Variants in RORA observed in about 807,000 individuals in gnomAD.
RORA encodes nuclear receptor ROR-alpha.
Under a neutral mutation model 69.5 loss-of-function variants are expected in RORA, and 7 were observed. The observed-to-expected ratio is 0.10, with a 90% CI of 0.06 to 0.19. The LOEUF is 0.19. RORA is among the 10% of genes least tolerant of loss of function. The probability of loss-of-function intolerance (pLI) is 1.00; values close to 1 mark genes in which losing one functional copy is unlikely to be tolerated. For synonymous variants in RORA, 261 were observed against 240.8 expected (o/e 1.08, Z -0.78); for missense variants, 457 against 663.0 (o/e 0.69, Z 3.41).
intron 1 of RORA, among the ~76,000 whole-genome samples, chr15:60,926,440 T>C (rs1324377867): frequency 6.6e-6 from 1 of 152,252 alleles, no homozygotes; most frequent in Non-Finnish European, 1.5e-5. Flanking sequence ...TATAGAGTTA[T>C]CCCAGCCCCC....
At chr15:61,049,657 CTTTT>C (rs974766907) in intron 1 of RORA, among the ~76,000 whole-genome samples, 14 of 151,988 alleles carry the variant, frequency 9.2e-5, no homozygotes, top group Non-Finnish European at 1.6e-4. Context: ...TTCTTTCTTT[CTTTT>C]TTCTTTTTTT....
intron 1 of RORA, among the ~76,000 whole-genome samples, chr15:60,858,082 G>A (rs992670758): frequency 2.2e-4 from 33 of 152,328 alleles, no homozygotes; most frequent in Admixed American, 1.8e-3. Flanking sequence ...GTGTTGCTAT[G>A]AGGATTAATT....
chr15:61,110,181 G>A (rs957310891), intron 1 of RORA, among the ~76,000 whole-genome samples: 2 of 152,062 alleles, frequency 1.3e-5, no homozygotes, highest in African/African-American at 2.4e-5. Context: ...GGCGGATCAC[G>A]AGGTCAAGAG....
intron 1 of RORA, among the ~76,000 whole-genome samples, chr15:60,822,271 A>G (rs2072903077): frequency 6.6e-6 from 1 of 152,182 alleles, no homozygotes; most frequent in Non-Finnish European, 1.5e-5. Context: ...GTTGTAGCCC[A>G]AGGAGTGCTA....
rs995288507 is a variant in RORA at position 60,587,607 on chromosome 15, T to A, written c.197-55756A>T. ...GGATTAAATGATGTAAGAGTGTTTG[T>A]AAACCATAAAGCACAAAATAAATAT... is the stretch of plus-strand genomic sequence containing the variant. On this transcript the variant is annotated intron_variant, in intron 2 of 10. Transcript: ENST00000335670. Among the ~76,000 whole-genome samples the A allele has an allele frequency of 2.0e-5, 3 of 152,170 alleles. 1 individual carries two copies. In the South Asian group the frequency reaches 6.2e-4, roughly 31 times the overall value.
At chr15:60,959,281 T>G (rs948341429) in intron 1 of RORA, among the ~76,000 whole-genome samples, 1 of 152,190 alleles carries the variant, frequency 6.6e-6, no homozygotes, top group African/African-American at 2.4e-5. Context: ...TCTAACAAAA[T>G]ATACATTAAA....
chr15:61,186,284 G>T (rs1024511700), intron 1 of RORA, among the ~76,000 whole-genome samples: 3 of 152,032 alleles, frequency 2.0e-5, no homozygotes, highest in Non-Finnish European at 4.4e-5. Flanking sequence ...TCAGCCCCAG[G>T]ATTATCCCTG....
At chr15:60,589,498 C>G (rs1187689996) in intron 2 of RORA, among the ~76,000 whole-genome samples, 1 of 152,252 alleles carries the variant, frequency 6.6e-6, no homozygotes, top group Non-Finnish European at 1.5e-5. Context: ...CGCGTGACAT[C>G]TGGCCAATGC....
intron 1 of RORA, among the ~76,000 whole-genome samples, chr15:60,828,268 CAGCCTGGCGCAGGCA>C (rs2072992794): frequency 6.6e-6 from 1 of 152,192 alleles, no homozygotes; most frequent in Admixed American, 6.5e-5. Context: ...CTCAGTGTCT[CAGCCTGGCGCAGGCA>C]AGTAAAGAGA....
chr15:60,911,170 G>C (rs1051875735), intron 1 of RORA, among the ~76,000 whole-genome samples: 5 of 143,086 alleles, frequency 3.5e-5, no homozygotes, highest in Non-Finnish European at 6.0e-5. Context: ...CCTGACCTCA[G>C]GTGATTCACC....
At chr15:60,880,864 T>G (rs1455614425) in intron 1 of RORA, among the ~76,000 whole-genome samples, 1 of 152,218 alleles carries the variant, frequency 6.6e-6, no homozygotes, top group Non-Finnish European at 1.5e-5. Flanking sequence ...AATCCGCCGA[T>G]GCATTTAACT....
intron 1 of RORA, among the ~76,000 whole-genome samples, chr15:60,713,553 G>A (rs763498450): frequency 1.4e-4 from 22 of 152,130 alleles, no homozygotes; most frequent in Admixed American, 2.6e-4. Context: ...ACACGCCCCC[G>A]TACATTCCAC....
intron 1 of RORA, among the ~76,000 whole-genome samples, chr15:60,690,701 G>T (rs1316643578): frequency 6.6e-6 from 1 of 152,142 alleles, no homozygotes; most frequent in Non-Finnish European, 1.5e-5. Context: ...CCTGAAAAAG[G>T]ACAGCAAACT....
At chr15:60,895,047 TC>T (rs1270700120) in intron 1 of RORA, among the ~76,000 whole-genome samples, 6 of 151,994 alleles carry the variant, frequency 3.9e-5, no homozygotes, top group African/African-American at 1.2e-4. Context: ...AAACCTGGGG[TC>T]CCCATGCTCA....
intron 1 of RORA, among the ~76,000 whole-genome samples, chr15:60,839,051 C>T (rs1353515814): frequency 1.3e-5 from 2 of 152,010 alleles, no homozygotes; most frequent in Non-Finnish European, 2.9e-5. Context: ...ACCACACCCA[C>T]CTGGCTAAAT....
intron 6 of RORA, 28 bp downstream of exon 6, chr15:60,505,480 C>T: frequency 6.2e-7 from 1 of 1,612,286 alleles, no homozygotes; most frequent in Non-Finnish European, 8.5e-7. Context: ...TGCCTCAATC[C>T]TAGGAGGAAA....
chr15:61,219,006 A>C (rs2074960289), intron 1 of RORA, among the ~76,000 whole-genome samples: 1 of 152,124 alleles, frequency 6.6e-6, no homozygotes, highest in Admixed American at 6.5e-5. Flanking sequence ...GAGATGCTCA[A>C]CTCTATACCT....
chr15:61,043,090 C>T (rs1485425488), intron 1 of RORA, among the ~76,000 whole-genome samples: 1 of 152,136 alleles, frequency 6.6e-6, no homozygotes, highest in Admixed American at 6.5e-5. Flanking sequence ...ACTTAAAAAG[C>T]GTTTTACACA....
intron 1 of RORA, among the ~76,000 whole-genome samples, chr15:60,946,281 C>T (rs935058452): frequency 7.2e-5 from 11 of 152,142 alleles, no homozygotes; most frequent in African/African-American, 2.7e-4. Context: ...CACGGTCTCC[C>T]TCTCCCTCTC....
Sources: gnomAD v4.1 joint callset for allele counts (sites outside exome capture counted in the v4.1 genomes callset) on GRCh38, gnomAD v4.1.1 for gene constraint, MANE v1.5 for transcripts, NCBI Gene and HGNC (gene_info 2026-07-23, HGNC 2026-07-21) for gene names.